The following CLBA1 variants were observed in gnomAD, a reference collection of about 807,000 sequenced individuals.
CLBA1 encodes clathrin binding box of aftiphilin containing 1.
In CLBA1, 30 loss-of-function variants were observed where a neutral mutation model predicts 28.8. The observed-to-expected ratio is 1.04, with a 90% CI of 0.78 to 1.41. The LOEUF (loss-of-function observed/expected upper bound fraction) is 1.41, where lower values mean the gene tolerates loss of function less well. Among genes scored for constraint, CLBA1 ranks in the 40% most tolerant of loss-of-function variants. The pLI, the probability that CLBA1 is intolerant of heterozygous loss-of-function variation, is 0.00. For synonymous variants in CLBA1, 160 were observed against 152.8 expected, an observed-to-expected ratio of 1.05 and a Z score of -0.35; for missense variants, 451 against 412.3, an observed-to-expected ratio of 1.09 and a Z score of -0.81.
intron 4 of CLBA1, chr14:104,993,292 A>T (rs1900089154): frequency 2.0e-6 from 2 of 985,332 alleles, no homozygotes; most frequent in Non-Finnish European, 2.4e-6. Flanking sequence ...CTCAGGCCAG[A>T]GGACCCAGGA....
chr14:104,998,218 G>A (rs945699828), downstream of CLBA1, among the ~76,000 whole-genome samples: 2 of 151,356 alleles, frequency 1.3e-5, no homozygotes, highest in Admixed American at 6.6e-5. Flanking sequence ...ACCAGGCTGG[G>A]CAACATAGTG....
At chr14:104,990,164 C>T (rs780837268) in intron 2 of CLBA1, 4 of 165,932 alleles carry the variant, frequency 2.4e-5, no homozygotes, top group Admixed American at 5.7e-5. Context: ...CAGCACAACT[C>T]GCGGACCCAG....
At chr14:104,997,730 T>C (rs1165453717), downstream of CLBA1, among the ~76,000 whole-genome samples, 2 of 152,336 alleles carry the variant, frequency 1.3e-5, no homozygotes, top group East Asian at 3.9e-4. Flanking sequence ...TTCTTTAGGC[T>C]GGTCACAGGG....
chr14:104,999,322 G>A (rs1032826758), downstream of CLBA1: 17 of 835,458 alleles, frequency 2.0e-5, no homozygotes, highest in East Asian at 1.2e-4. Context: ...TAACTGAGCC[G>A]TCAGCCACAT....
At chr14:104,997,990 C>T (rs1168920736), downstream of CLBA1, among the ~76,000 whole-genome samples, 2 of 151,748 alleles carry the variant, frequency 1.3e-5, no homozygotes, top group African/African-American at 4.9e-5. Context: ...GTCTGGGCAA[C>T]AGAGTGAGAC....
Position 104,985,868 on chromosome 14 carries a change from C to T in CLBA1, c.-564C>T. The T allele has an allele frequency of 1.1e-5, 2 of 182,484 alleles. No individual in the cohort carries two copies. Among genetic ancestry groups the T allele is most frequent in the Non-Finnish European group, 2.0e-5 (2 of 97,790 alleles). The allele number at this position is 182,484 out of a possible 1,614,324, so 11.3% of individuals were successfully genotyped here. ...CTGGTCCCGCGCGGCCCCGCCGAGG[C>T]GGCGACCAAGGTGGGTGCGGGGACT... On this transcript the variant is annotated 5_prime_UTR_variant, in exon 1 of 5. Coordinates refer to ENST00000547315, the MANE Select transcript of CLBA1 (RefSeq NM_174891.4).
intron 2 of CLBA1, 23 bp downstream of exon 2, chr14:104,989,111 C>G (rs1028875694): frequency 1.3e-6 from 2 of 1,595,680 alleles, no homozygotes; most frequent in African/African-American, 1.3e-5. Flanking sequence ...AGAAATATTT[C>G]TTACAGCAAC....
chr14:104,989,905 C>T (rs909919666), intron 2 of CLBA1: 31 of 356,148 alleles, frequency 8.7e-5, no homozygotes, highest in African/African-American at 6.2e-4. Context: ...GGCTCCAGCC[C>T]TGGCCCACCG....
chr14:104,992,850 C>A, intron 3 of CLBA1, 98 bp from the exon 4 acceptor site: 1 of 998,424 alleles, frequency 1.0e-6, no homozygotes, highest in Non-Finnish European at 1.6e-6. Flanking sequence ...GAGAACTTTG[C>A]AGTTTTAGCA....
chr14:104,998,623 C>T (rs1900208685), downstream of CLBA1, among the ~76,000 whole-genome samples: 1 of 152,152 alleles, frequency 6.6e-6, no homozygotes, highest in Non-Finnish European at 1.5e-5. Context: ...GTAGCAGGTG[C>T]GGGAAAGCAG....
rs114874736 is a variant in CLBA1 at position 104,992,652 on chromosome 14, C to T, written c.700-296C>T. 4.4e-3 allele frequency among the ~76,000 whole-genome samples: 672 copies of T among 152,290 alleles called. 8 individuals carry two copies. The highest frequency in any genetic ancestry group is 0.016 in the African/African-American group (646 of 41,554). On this transcript the variant is annotated intron_variant, in intron 3 of 4. Transcript: ENST00000547315. ...GAGGCCTGAATAGAAGCCTCAGGTG[C>T]GGGCCAGCTCCGAGTGGCGGCAGCC...
chr14:104,988,679 CATT>C (rs1049401897), intron 1 of CLBA1, among the ~76,000 whole-genome samples: 2 of 152,172 alleles, frequency 1.3e-5, no homozygotes, highest in African/African-American at 4.8e-5. Flanking sequence ...ACAGCACTGA[CATT>C]ATTGGGTGGT....
chr14:104,995,234 C>CT lies in CLBA1; in HGVS notation c.*476dup. ...TGTCTGTCACACTCTGCCCTGGCTG[C>CT]TGTGTGGTCAGGGCACCATGAGGGT... On this transcript the variant is annotated 3_prime_UTR_variant, in exon 5 of 5. Coordinates refer to ENST00000547315, the MANE Select transcript of CLBA1 (RefSeq NM_174891.4). The CT allele has an allele frequency of 1.0e-6, 1 of 986,450 alleles. No homozygotes were observed. The highest frequency in any genetic ancestry group is 1.2e-6 in the Non-Finnish European group (1 of 830,708). The allele number at this position is 986,450 out of a possible 1,614,324, so 61.1% of individuals were successfully genotyped here.
At chr14:105,000,549 G>A (rs1356742487) in intron 2 of CLBA1, among the ~76,000 whole-genome samples, 1 of 152,046 alleles carries the variant, frequency 6.6e-6, no homozygotes, top group Non-Finnish European at 1.5e-5. Context: ...TGGGATTACA[G>A]GCGTGAGCCA....
intron 1 of CLBA1, among the ~76,000 whole-genome samples, chr14:104,988,420 C>A (rs968501930): frequency 1.3e-4 from 20 of 151,180 alleles, no homozygotes; most frequent in Admixed American, 1.1e-3. Context: ...GCAACTTCTG[C>A]CCCCCACCCG....
chr14:104,993,390 A>G, intron 4 of CLBA1: 1 of 985,406 alleles, frequency 1.0e-6, no homozygotes, highest in Non-Finnish European at 1.2e-6. Flanking sequence ...GGCTGGAAGG[A>G]TGAGGCAGGA....
intron 4 of CLBA1, 25 bp from the exon 5 acceptor site, chr14:104,994,573 C>G (rs1900121660): frequency 6.3e-7 from 1 of 1,589,186 alleles, no homozygotes; most frequent in African/African-American, 1.4e-5. Context: ...GGTGCGCGCG[C>G]CTGACTGCTG....
At chr14:104,999,187 A>C, downstream of CLBA1, 1 of 984,464 alleles carries the variant, frequency 1.0e-6, no homozygotes, top group Non-Finnish European at 1.2e-6. Context: ...AAACTTCTTG[A>C]ATGTGTAAAT....
At chr14:104,996,492 C>T (rs1360804443), downstream of CLBA1, among the ~76,000 whole-genome samples, 1 of 152,352 alleles carries the variant, frequency 6.6e-6, no homozygotes, top group Non-Finnish European at 1.5e-5. Context: ...GACACTCCCT[C>T]GAGAACGCCC....
Sources: gnomAD v4.1 joint callset for allele counts (sites outside exome capture counted in the v4.1 genomes callset) on GRCh38, gnomAD v4.1.1 for gene constraint, MANE v1.5 for transcripts, NCBI Gene and HGNC (gene_info 2026-07-23, HGNC 2026-07-21) for gene names.